Variants in NRN1L observed in about 807,000 individuals in gnomAD.
NRN1L encodes neuritin 1 like.
NRN1L carries 12 observed loss-of-function variants against 8.8 expected under a neutral mutation model. That is an observed-to-expected ratio of 1.36 (90% CI 0.87 to 2.20). The LOEUF (loss-of-function observed/expected upper bound fraction) is 2.20. NRN1L is among the 30% of genes most tolerant of loss of function. NRN1L has a pLI of 0.00. For missense variants in NRN1L, 266 were observed against 232.4 expected (o/e 1.14, Z -0.94); for synonymous variants, 114 against 99.2 (o/e 1.15, Z -0.88).
At position 67,886,289 on chromosome 16, in the gene NRN1L, C is replaced by A. The variant is rs562053084; in HGVS notation, c.*30C>A. On this transcript the variant is annotated 3_prime_UTR_variant, in exon 3 of 3. Transcript: ENST00000339176. ...TTGGGTTGGGTAGCAGCGCCCGTAC[C>A]TCCAGCCCTGCTCTGGCGGTGGTTG... 1.9e-6 allele frequency: 3 copies of A among 1,540,500 alleles called. No individual in the cohort carries two copies. The East Asian group carries it at 7.0e-5, about 36-fold the overall frequency.
rs1425905360 is a variant in NRN1L at position 67,886,075 on chromosome 16, C to T, written c.314C>T (p.Ala105Val). 3 of 1,613,282 alleles carry T rather than the reference C, an allele frequency of 1.9e-6. No homozygotes were observed. Among genetic ancestry groups the T allele is most frequent in the Admixed American group, 1.7e-5 (1 of 59,892 alleles). Residue 105 changes from alanine to valine, a missense_variant, in exon 3 of 3, where the codon GCC becomes GTC. Transcript: ENST00000339176. Reference sequence around the variant, plus strand: ...TCACTACAGCAAGAAGCTCGCCAGGCCCCCCGTCCGAATAACTTGCACACT... The same window carrying T: ...TCACTACAGCAAGAAGCTCGCCAGGTCCCCCGTCCGAATAACTTGCACACT... ...WESLQQEARQAPRPNNLHTLC... is the reference protein window; with the variant it reads ...WESLQQEARQVPRPNNLHTLC...
chr16:67,884,936 C>T lies in NRN1L; in HGVS notation c.33C>T (p.Cys11=), dbSNP rs1424632050. 3.1e-6 allele frequency: 5 copies of T among 1,607,588 alleles called. No individual in the cohort carries two copies. Among genetic ancestry groups the T allele is most frequent in the Non-Finnish European group, 2.5e-6 (3 of 1,179,788 alleles). MMRCCRRRCC[C]RQPPHALRPL... ...GCTGCTGCCGCCGCCGCTGCTGCTGCCGGCAACCACCCCATGCCCTGAGGC... is the reference window on the plus strand; with the variant it reads ...GCTGCTGCCGCCGCCGCTGCTGCTGTCGGCAACCACCCCATGCCCTGAGGC... The change falls in exon 1 of 3, where the codon TGC becomes TGT. Residue 11 remains cysteine, a synonymous_variant. Coordinates refer to ENST00000339176, the MANE Select transcript of NRN1L (RefSeq NM_198443.2). The surrounding 1 kb of genome is among the most constrained non-coding windows in gnomAD (Gnocchi z 4.1).
chr16:67,886,102 T>C lies in NRN1L; in HGVS notation c.341T>C (p.Leu114Pro), dbSNP rs999291454. 47 of 1,613,232 alleles carry C rather than the reference T, an allele frequency of 2.9e-5. No homozygotes were observed. Among genetic ancestry groups the C allele is most frequent in the Non-Finnish European group, 3.9e-5 (46 of 1,179,822 alleles). The change falls in exon 3 of 3, where the codon CTG becomes CCG. Residue 114 changes from leucine (L) to proline (P), a missense_variant. Transcript: ENST00000339176. The stretch of plus-strand genomic sequence containing the variant: ...CCCCGTCCGAATAACTTGCACACTC[T>C]GTGCGGTGCCCCGGTGCATGTTCGG... ...QAPRPNNLHT[L>P]CGAPVHVRER...
intron 1 of NRN1L, 29 bp from the exon 2 acceptor site, chr16:67,885,693 T>TGCCCCCCCCCCCCCCCCCC: frequency 8.0e-7 from 1 of 1,257,200 alleles, no homozygotes; most frequent in Non-Finnish European, 1.1e-6. Context: ...TACCATTCCT[T>TGCCCCCCCCCCCCCCCCCC]CCCCACCCCA....
At chr16:67,885,599 C>G (rs1299795433) in intron 1 of NRN1L, 123 bp from the exon 2 acceptor site, 6 of 740,464 alleles carry the variant, frequency 8.1e-6, no homozygotes, top group Non-Finnish European at 1.3e-5. Context: ...CTGGGGCACC[C>G]TTTTTCCGCT....
At chr16:67,886,477 CAG>C (rs1598181706), downstream of NRN1L, 3 of 545,636 alleles carry the variant, frequency 5.5e-6, no homozygotes, top group East Asian at 9.3e-5. Context: ...AGGGCCACCA[CAG>C]GGGCCCTCAA....
rs1044247559 is a variant in NRN1L, at chr16:67,884,928, T to C, written c.25T>C (p.Cys9Arg). The C allele has an allele frequency of 4.4e-6, 7 of 1,606,808 alleles. No individual in the cohort carries two copies. The highest frequency in any genetic ancestry group is 2.2e-5 in the East Asian group (1 of 44,876). The change falls in exon 1 of 3, where the codon TGC becomes CGC. Residue 9 changes from cysteine (C) to arginine (R), a missense_variant. Cys to Arg is a radical substitution (Grantham distance 180). Transcript: ENST00000339176. The surrounding 1 kb of genome is among the most constrained non-coding windows in gnomAD (Gnocchi z 4.1). MMRCCRRR[C>R]CCRQPPHALR... ...GATGATGCGCTGCTGCCGCCGCCGC[T>C]GCTGCTGCCGGCAACCACCCCATGC...
chr16:67,886,202 G>A lies in NRN1L; in HGVS notation c.441G>A (p.Ala147=), dbSNP rs370792083. The change falls in exon 3 of 3, where the codon GCG becomes GCA. Residue 147 remains alanine (A), a synonymous_variant. Transcript: ENST00000339176. ...ATAPALPMAP[A]PPLLAAALAL... ...CGCCTGCACTCCCCATGGCCCCTGCGCCCCCACTGCTGGCGGCTGCTCTGG... is the reference window on the plus strand; with the variant it reads ...CGCCTGCACTCCCCATGGCCCCTGCACCCCCACTGCTGGCGGCTGCTCTGG... 3.2e-5 allele frequency: 51 copies of A among 1,601,760 alleles called. No homozygotes were observed. The highest frequency in any genetic ancestry group is 1.4e-4 in the South Asian group (13 of 90,708).
At chr16:67,885,305 C>T in intron 1 of NRN1L, 1 of 526,816 alleles carries the variant, frequency 1.9e-6, no homozygotes. Flanking sequence ...CCTTGTCTCT[C>T]CAAAAATATT....
chr16:67,886,271 G>T lies in NRN1L; in HGVS notation c.*12G>T. The T allele has an allele frequency of 6.4e-7, 1 of 1,570,148 alleles. No homozygotes were observed. Among genetic ancestry groups the T allele is most frequent in the African/African-American group, 1.3e-5 (1 of 74,190 alleles). ...GGCCTCTGGCCTAGCTTGTTGGGTT[G>T]GGTAGCAGCGCCCGTACCTCCAGCC... is the stretch of plus-strand genomic sequence containing the variant. On this transcript the variant is annotated 3_prime_UTR_variant, in exon 3 of 3. Coordinates refer to ENST00000339176, the MANE Select transcript of NRN1L (RefSeq NM_198443.2).
chr16:67,885,723 C>G lies in NRN1L; in HGVS notation c.81C>G (p.Val27=). Residue 27 remains valine (V), a splice_region_variant and synonymous_variant, in exon 2 of 3, where the codon GTC becomes GTG. Transcript: ENST00000339176. The part of the protein sequence containing the change: ...ALRPLLLLPL[V]LLPPLAAAAA... ...ACCCCACCCCCGCCCCACTTCTAGT[C>G]CTTTTACCTCCCCTGGCAGCAGCTG... is the stretch of plus-strand genomic sequence containing the variant. 2 of 1,068,218 alleles carry G rather than the reference C, an allele frequency of 1.9e-6. No homozygotes were observed. Among genetic ancestry groups the G allele is most frequent in the Non-Finnish European group, 2.7e-6 (2 of 741,472 alleles). The allele number at this position is 1,068,218 out of a possible 1,614,324, so 66.2% of individuals were successfully genotyped here.
chr16:67,888,129 CGTT>C (rs927122380), downstream of NRN1L, among the ~76,000 whole-genome samples: 25 of 152,182 alleles, frequency 1.6e-4, no homozygotes, highest in African/African-American at 5.3e-4. Flanking sequence ...TCAGAATCCT[CGTT>C]GTGTCTCTAG....
downstream of NRN1L, chr16:67,888,595 C>T (rs2058103055): frequency 6.6e-6 from 1 of 152,138 alleles, no homozygotes; most frequent in Non-Finnish European, 1.5e-5. Flanking sequence ...GGCTGATAGC[C>T]AAGCTGGCTG....
chr16:67,885,934 C>T, intron 2 of NRN1L, 40 bp from the exon 3 acceptor site: 2 of 1,601,598 alleles, frequency 1.2e-6, no homozygotes, highest in Non-Finnish European at 1.7e-6. Context: ...CTAAAGTCTC[C>T]TTGCCTCACC....
rs150898109 is a variant in NRN1L, at chr16:67,885,792, C to G, written c.150C>G (p.Ala50=). The G allele has an allele frequency of 1.7e-4, 264 of 1,597,408 alleles. No homozygotes were observed. Among genetic ancestry groups the G allele is most frequent in the Non-Finnish European group, 2.1e-4 (245 of 1,173,596 alleles). ...NRCDTIYQGF[A]ECLIRLGDSM... ...GTGACACCATATACCAGGGCTTCGC[C>G]GAGTGTCTCATCCGCTTGGGGGACA... Residue 50 remains alanine, a synonymous_variant, in exon 2 of 3, where the codon GCC becomes GCG. Transcript: ENST00000339176.
chr16:67,886,836 T>C (rs188146752), downstream of NRN1L, among the ~76,000 whole-genome samples: 15 of 152,274 alleles, frequency 9.9e-5, no homozygotes, highest in East Asian at 2.5e-3. Context: ...CTCAGTCCCT[T>C]CCTCTGGTTT....
chr16:67,885,074 G>C, intron 1 of NRN1L, 92 bp downstream of exon 1: 1 of 1,067,990 alleles, frequency 9.4e-7, no homozygotes, highest in African/African-American at 1.5e-5. Flanking sequence ...CTGGGTGCCA[G>C]GGTGGAGAAG....
At chr16:67,885,672 C>T (rs1298495491) in intron 1 of NRN1L, 50 bp from the exon 2 acceptor site, 1 of 1,434,494 alleles carries the variant, frequency 7.0e-7, no homozygotes, top group Admixed American at 2.3e-5. Flanking sequence ...ATGAGCCTGG[C>T]TCATCCTATC....
chr16:67,886,428 A>C, downstream of NRN1L: 1 of 653,022 alleles, frequency 1.5e-6, no homozygotes, highest in Non-Finnish European at 2.6e-6. Context: ...AGGGACTCCT[A>C]GAAACTGATC....
Sources: gnomAD v4.1 joint callset for allele counts (sites outside exome capture counted in the v4.1 genomes callset) on GRCh38, gnomAD v4.1.1 for gene constraint, Gnocchi (gnomAD v3.1) non-coding constraint, MANE v1.5 for transcripts, NCBI Gene and HGNC (gene_info 2026-07-23, HGNC 2026-07-21) for gene names.